TIAM1: variants seen among roughly 807,000 people sequenced by gnomAD.
The protein encoded by TIAM1 is rho guanine nucleotide exchange factor TIAM1.
In TIAM1, 65 loss-of-function variants were observed where a neutral mutation model predicts 163.5. The ratio of observed to expected loss-of-function variants is 0.40; its 90% CI spans 0.33 to 0.49. The LOEUF is 0.49. TIAM1 is among the 20% of genes least tolerant of loss of function. The pLI is 0.77. For missense variants in TIAM1, 1,789 were observed against 2,044.7 expected (o/e 0.87, Z 2.41); for synonymous variants, 833 against 810.1 (o/e 1.03, Z -0.48).
intron 2 of TIAM1, among the ~76,000 whole-genome samples, chr21:31,332,757 A>G (rs1404678790): frequency 6.6e-6 from 1 of 151,564 alleles, no homozygotes; most frequent in Non-Finnish European, 1.5e-5. Flanking sequence ...CATTCACACT[A>G]TGTATGTGAT....
intron 6 of TIAM1, among the ~76,000 whole-genome samples, chr21:31,235,420 T>C (rs1202026119): frequency 6.6e-6 from 1 of 152,230 alleles, no homozygotes; most frequent in Non-Finnish European, 1.5e-5. Context: ...TAAATGTTCA[T>C]ATACCTATAT....
At chr21:31,469,079 CTTTTT>C (rs765505214) in intron 1 of TIAM1, among the ~76,000 whole-genome samples, 4 of 110,918 alleles carry the variant, frequency 3.6e-5, no homozygotes. Flanking sequence ...GAACCAATCC[CTTTTT>C]TTTTTTTTTT....
At chr21:31,180,487 T>A (rs1402825767) in intron 15 of TIAM1, among the ~76,000 whole-genome samples, 1 of 151,512 alleles carries the variant, frequency 6.6e-6, no homozygotes, top group Non-Finnish European at 1.5e-5. Flanking sequence ...GGTGGTGGGC[T>A]GCTTTTAGCC....
At chr21:31,540,657 T>G (rs1471456905) in intron 1 of TIAM1, among the ~76,000 whole-genome samples, 1 of 152,218 alleles carries the variant, frequency 6.6e-6, no homozygotes, top group East Asian at 1.9e-4. Flanking sequence ...CACTGGAAGC[T>G]AGAAAGGACC....
chr21:31,513,969 C>T (rs539074114), intron 1 of TIAM1, among the ~76,000 whole-genome samples: 12 of 152,212 alleles, frequency 7.9e-5, no homozygotes, highest in Admixed American at 2.6e-4. Context: ...ATGGTGCCAT[C>T]GCACTCCAGC....
At chr21:31,148,436 C>T (rs1393603760) in intron 19 of TIAM1, among the ~76,000 whole-genome samples, 1 of 152,150 alleles carries the variant, frequency 6.6e-6, no homozygotes, top group Middle Eastern at 3.2e-3. Flanking sequence ...CTCCTGAGGC[C>T]TCCCCAGCCA....
At chr21:31,444,363 A>G (rs1037346573) in intron 2 of TIAM1, among the ~76,000 whole-genome samples, 13 of 151,898 alleles carry the variant, frequency 8.6e-5, no homozygotes, top group African/African-American at 3.1e-4. Flanking sequence ...AATTTCTACT[A>G]AAAGTTTCTG....
chr21:31,359,795 A>G (rs375953379), intron 2 of TIAM1, among the ~76,000 whole-genome samples: 1 of 142,822 alleles, frequency 7.0e-6, no homozygotes, highest in African/African-American at 2.7e-5. Flanking sequence ...CAAAAGAGAA[A>G]AAGAAAGAAA....
chr21:31,281,085 CAAAA>C (rs748020575), intron 2 of TIAM1, among the ~76,000 whole-genome samples: 30 of 63,738 alleles, frequency 4.7e-4, no homozygotes, highest in Non-Finnish European at 7.2e-4. Context: ...GACCCTAACT[CAAAA>C]AAAAAAAAAA....
intron 1 of TIAM1, among the ~76,000 whole-genome samples, chr21:31,537,544 G>A (rs2048179490): frequency 6.6e-6 from 1 of 151,998 alleles, no homozygotes; most frequent in Non-Finnish European, 1.5e-5. Context: ...TCGAGGCCAG[G>A]AGTTCAAGAC....
intron 2 of TIAM1, among the ~76,000 whole-genome samples, chr21:31,379,526 G>GAA (rs996545027): frequency 7.6e-6 from 1 of 131,134 alleles, no homozygotes. Flanking sequence ...CAGTCCTTAA[G>GAA]AAAAAAAAAA....
chr21:31,282,675 GC>G (rs2073621632), intron 2 of TIAM1, among the ~76,000 whole-genome samples: 1 of 152,208 alleles, frequency 6.6e-6, no homozygotes, highest in Non-Finnish European at 1.5e-5. Context: ...CTGGGGCAGG[GC>G]CAGGACTCCC....
At chr21:31,160,366 G>C (rs182222852) in intron 16 of TIAM1, 1 of 398,206 alleles carries the variant, frequency 2.5e-6, no homozygotes, top group South Asian at 1.3e-4. Context: ...CTGTCATTCG[G>C]ATTGAAAAAC....
intron 6 of TIAM1, among the ~76,000 whole-genome samples, chr21:31,240,792 T>C (rs1569089217): frequency 6.6e-6 from 1 of 152,174 alleles, no homozygotes; most frequent in Non-Finnish European, 1.5e-5. Context: ...TGAGGAAAAG[T>C]TGGGGAATAC....
chr21:31,176,432 C>A (rs928470749), intron 15 of TIAM1, among the ~76,000 whole-genome samples: 2 of 151,228 alleles, frequency 1.3e-5, no homozygotes, highest in African/African-American at 4.9e-5. Context: ...AAAAAAAAAC[C>A]AAAACAGATG....
Position 31,343,872 on chromosome 21 carries a change from T to A in TIAM1, c.-369+266A>T, listed in dbSNP as rs1482400886. Among the ~76,000 whole-genome samples, 4 of 152,106 alleles carry A rather than the reference T, an allele frequency of 2.6e-5. No homozygotes were observed. The East Asian group carries it at 7.7e-4, about 29-fold the overall frequency. The stretch of plus-strand genomic sequence containing the variant: ...AGATGACGCTTTCAAAGCCCGAATC[T>A]CTTTACCCTGGAGCCAGAACCAGCG... On this transcript the variant is annotated intron_variant, in intron 1 of 27. Coordinates refer to ENST00000541036, the MANE Select transcript of TIAM1 (RefSeq NM_001353694.2).
chr21:31,386,367 C>G (rs2076871056), intron 2 of TIAM1, among the ~76,000 whole-genome samples: 1 of 152,104 alleles, frequency 6.6e-6, no homozygotes, highest in African/African-American at 2.4e-5. Flanking sequence ...CCCTGGCATG[C>G]CCAGAGCTTC....
chr21:31,403,888 T>G (rs1378143244), intron 2 of TIAM1, among the ~76,000 whole-genome samples: 1 of 151,940 alleles, frequency 6.6e-6, no homozygotes, highest in Non-Finnish European at 1.5e-5. Context: ...ATAGCTCAAA[T>G]CCAGGGCAGA....
intron 25 of TIAM1, among the ~76,000 whole-genome samples, chr21:31,127,544 G>A (rs2082252788): frequency 6.6e-6 from 1 of 151,604 alleles, no homozygotes; most frequent in African/African-American, 2.4e-5. Context: ...TCAGCTTCCT[G>A]AGTAGCAGGG....
Sources: allele counts gnomAD v4.1 joint callset (sites outside exome capture counted in the v4.1 genomes callset), GRCh38; gene constraint gnomAD v4.1.1; transcripts MANE v1.5; gene names NCBI Gene and HGNC (gene_info 2026-07-23, HGNC 2026-07-21).